CHCHD3: variants seen among roughly 807,000 people sequenced by gnomAD.
CHCHD3 encodes MICOS complex subunit MIC19.
In CHCHD3, 20 loss-of-function variants were observed where a neutral mutation model predicts 38.2. The observed-to-expected ratio is 0.52, with a 90% CI of 0.37 to 0.76. The LOEUF (loss-of-function observed/expected upper bound fraction) is 0.76. CHCHD3 is among the 30% of genes least tolerant of loss of function. The pLI, the probability that CHCHD3 is intolerant of heterozygous loss-of-function variation, is 0.00. For missense variants in CHCHD3, 245 were observed against 279.2 expected (o/e 0.88, Z 0.87); for synonymous variants, 82 against 100.0 (o/e 0.82, Z 1.07).
chr7:132,950,996 T>C (rs1811024341), intron 4 of CHCHD3, among the ~76,000 whole-genome samples: 1 of 152,138 alleles, frequency 6.6e-6, no homozygotes, highest in African/African-American at 2.4e-5. Context: ...TAACCATCTA[T>C]CATAAAGTAC....
chr7:132,904,627 T>A (rs1466913075), intron 4 of CHCHD3, among the ~76,000 whole-genome samples: 1 of 152,152 alleles, frequency 6.6e-6, no homozygotes, highest in African/African-American at 2.4e-5. Flanking sequence ...ATAGGAACAC[T>A]TTTACACTGT....
At position 133,024,677 on chromosome 7, in the gene CHCHD3, A is replaced by T. The variant is rs185142563; in HGVS notation, c.170-50T>A. ...AGATAAAATAGGTGACTTCTTAAAA[A>T]TAAAAGCAAGAAAATACTCAGGAAA... On this transcript the variant is annotated intron_variant, in intron 2 of 7. Coordinates refer to ENST00000262570, the MANE Select transcript of CHCHD3 (RefSeq NM_017812.4). The T allele has an allele frequency of 3.7e-6, 5 of 1,351,508 alleles. No homozygotes were observed. In the East Asian group the frequency reaches 9.2e-5, roughly 25 times the overall value. 83.7% of individuals were successfully genotyped at this position (1,351,508 alleles called of 1,614,324 possible).
intron 6 of CHCHD3, among the ~76,000 whole-genome samples, chr7:132,828,583 G>C (rs1807565506): frequency 6.6e-6 from 1 of 151,954 alleles, no homozygotes; most frequent in Non-Finnish European, 1.5e-5. Flanking sequence ...GGGGTGACTT[G>C]GTAATTATAC....
chr7:132,888,859 G>A (rs1809286050), intron 4 of CHCHD3, among the ~76,000 whole-genome samples: 1 of 152,026 alleles, frequency 6.6e-6, no homozygotes, highest in Non-Finnish European at 1.5e-5. Flanking sequence ...TTTTGCATGA[G>A]AAATGGGGGA....
chr7:133,022,304 T>A (rs760930348), intron 3 of CHCHD3: 1 of 399,718 alleles, frequency 2.5e-6, no homozygotes, highest in East Asian at 7.2e-5. Context: ...AAGAGAAAAC[T>A]TGGCACGCAG....
chr7:132,833,524 A>T (rs1481029544), intron 6 of CHCHD3, among the ~76,000 whole-genome samples: 1 of 152,212 alleles, frequency 6.6e-6, no homozygotes, highest in Non-Finnish European at 1.5e-5. Flanking sequence ...ATCATCATTT[A>T]AAAAGTTTGT....
chr7:132,846,112 A>G (rs1247386771), intron 5 of CHCHD3, among the ~76,000 whole-genome samples: 2 of 152,210 alleles, frequency 1.3e-5, no homozygotes, highest in Non-Finnish European at 2.9e-5. Flanking sequence ...CCCCAGCAAC[A>G]TGACTTCACA....
At chr7:132,909,156 G>T (rs1809873114) in intron 4 of CHCHD3, among the ~76,000 whole-genome samples, 1 of 152,010 alleles carries the variant, frequency 6.6e-6, no homozygotes, top group Non-Finnish European at 1.5e-5. Context: ...GTTTCCTGAG[G>T]CCTCCCAACC....
At chr7:133,073,207 C>T (rs527923697) in intron 1 of CHCHD3, among the ~76,000 whole-genome samples, 1 of 152,236 alleles carries the variant, frequency 6.6e-6, no homozygotes, top group South Asian at 2.1e-4. Flanking sequence ...TTCTGACATC[C>T]TGCTGTCCTG....
chr7:132,807,075 A>G (rs1806939351), intron 6 of CHCHD3, among the ~76,000 whole-genome samples: 1 of 152,222 alleles, frequency 6.6e-6, no homozygotes, highest in Admixed American at 6.5e-5. Context: ...CAGTGCTCTG[A>G]TAGCAAGAGG....
At chr7:132,879,365 C>A (rs1434689607) in intron 5 of CHCHD3, among the ~76,000 whole-genome samples, 3 of 152,236 alleles carry the variant, frequency 2.0e-5, no homozygotes, top group Middle Eastern at 6.8e-3. Context: ...CTCAGCTCCT[C>A]AAGCCAAGAG....
intron 4 of CHCHD3, among the ~76,000 whole-genome samples, chr7:132,959,775 G>A (rs774220474): frequency 2.2e-4 from 34 of 151,668 alleles, no homozygotes; most frequent in Non-Finnish European, 4.6e-4. Flanking sequence ...GCATGCATGG[G>A]TTTACAGCTG....
chr7:132,856,998 T>C (rs895038475), intron 5 of CHCHD3, among the ~76,000 whole-genome samples: 1 of 152,208 alleles, frequency 6.6e-6, no homozygotes, highest in Non-Finnish European at 1.5e-5. Flanking sequence ...ACAAGCTTGC[T>C]GCAGTTTTTG....
chr7:132,910,915 A>G (rs1437918997), intron 4 of CHCHD3, among the ~76,000 whole-genome samples: 1 of 152,220 alleles, frequency 6.6e-6, no homozygotes, highest in African/African-American at 2.4e-5. Context: ...AGTTTGCCAC[A>G]GTACTATCCT....
chr7:132,873,158 G>A (rs1046422789), intron 5 of CHCHD3, among the ~76,000 whole-genome samples: 1 of 152,126 alleles, frequency 6.6e-6, no homozygotes, highest in Non-Finnish European at 1.5e-5. Flanking sequence ...ATATGAGACT[G>A]AAAGTGAAAA....
intron 3 of CHCHD3, among the ~76,000 whole-genome samples, chr7:132,986,336 C>G (rs554864648): frequency 6.7e-6 from 1 of 148,316 alleles, no homozygotes; most frequent in South Asian, 2.2e-4. Context: ...ACCTTCCCTC[C>G]ACTATTGTCC....
At chr7:133,039,861 T>C (rs866615206) in intron 2 of CHCHD3, among the ~76,000 whole-genome samples, 7 of 152,288 alleles carry the variant, frequency 4.6e-5, no homozygotes, top group South Asian at 2.1e-4. Context: ...AAAATGTGAA[T>C]GAACAGGGTG....
chr7:133,018,927 A>G (rs1399110457), intron 3 of CHCHD3, among the ~76,000 whole-genome samples: 1 of 110,186 alleles, frequency 9.1e-6, no homozygotes, highest in Non-Finnish European at 1.7e-5. Context: ...CTTATTGCCC[A>G]GGCTGGAGTG....
chr7:132,823,384 C>T (rs1807432375), intron 6 of CHCHD3, among the ~76,000 whole-genome samples: 1 of 152,014 alleles, frequency 6.6e-6, no homozygotes, highest in Admixed American at 6.6e-5. Flanking sequence ...AACTTAGGCA[C>T]AGTAACAGAC....
Sources: gnomAD v4.1 joint callset for allele counts (sites outside exome capture counted in the v4.1 genomes callset) on GRCh38, gnomAD v4.1.1 for gene constraint, MANE v1.5 for transcripts, NCBI Gene and HGNC (gene_info 2026-07-23, HGNC 2026-07-21) for gene names.